Variants in MAOB observed in about 807,000 individuals in gnomAD.
MAOB encodes monoamine oxidase B.
Under a neutral mutation model 41.9 loss-of-function variants are expected in MAOB, and 15 were observed. That is an observed-to-expected ratio of 0.36 (90% confidence interval 0.24 to 0.55). MAOB has a LOEUF of 0.55. MAOB is among the 20% of genes least tolerant of loss of function. The pLI is 0.86. For synonymous variants in MAOB, 167 were observed against 144.2 expected (o/e 1.16, Z -1.13); for missense variants, 345 against 398.7 (o/e 0.87, Z 1.15).
At chrX:43,833,058 C>T (rs1364405968) in intron 3 of MAOB, among the ~76,000 whole-genome samples, 1 of 111,112 alleles carries the variant, frequency 9.0e-6, no homozygotes, top group Non-Finnish European at 1.9e-5. Flanking sequence ...TAGTCCCCAA[C>T]CAGCAGAGAG....
At chrX:43,841,579 A>G (rs2035137509) in intron 2 of MAOB, among the ~76,000 whole-genome samples, 1 of 112,010 alleles carries the variant, frequency 8.9e-6, no homozygotes, top group South Asian at 3.7e-4. Context: ...ATATGGAACT[A>G]CAGAAGACTA....
intron 3 of MAOB, among the ~76,000 whole-genome samples, chrX:43,807,375 G>T (rs1490849806): frequency 1.8e-5 from 2 of 112,346 alleles, no homozygotes; most frequent in Non-Finnish European, 3.8e-5. Flanking sequence ...TCTTCTTCCA[G>T]GAAGTATGCC....
chrX:43,848,735 G>C (rs1026602764), intron 1 of MAOB, among the ~76,000 whole-genome samples: 2 of 111,572 alleles, frequency 1.8e-5, no homozygotes, highest in African/African-American at 6.5e-5. Flanking sequence ...TGTACTTTTT[G>C]TAGAGATGGG....
chrX:43,779,161 C>A (rs1435630926), intron 10 of MAOB, among the ~76,000 whole-genome samples: 3 of 111,132 alleles, frequency 2.7e-5, no homozygotes, highest in African/African-American at 6.5e-5. Context: ...TTGCCACAAG[C>A]AGAGGAATGG....
chrX:43,814,467 A>G (rs2034784223), intron 3 of MAOB, among the ~76,000 whole-genome samples: 1 of 112,378 alleles, frequency 8.9e-6, no homozygotes, highest in Non-Finnish European at 1.9e-5. Flanking sequence ...GAAGCCTTCC[A>G]AGCTTCATCT....
At chrX:43,840,723 G>A (rs2035125343) in intron 2 of MAOB, among the ~76,000 whole-genome samples, 1 of 110,322 alleles carries the variant, frequency 9.1e-6, no homozygotes, top group Admixed American at 9.6e-5. Flanking sequence ...GGGAAGCTGT[G>A]AGGGACTGTG....
chrX:43,839,479 T>C (rs1367935477), intron 2 of MAOB, among the ~76,000 whole-genome samples: 3 of 112,336 alleles, frequency 2.7e-5, no homozygotes, highest in Admixed American at 9.4e-5. Context: ...TTATGTTTAA[T>C]AGTATATTTA....
chrX:43,780,203 T>C lies in MAOB; in HGVS notation c.1079+139A>G, dbSNP rs185084714. 1,149 of 485,669 alleles carry C rather than the reference T, an allele frequency of 2.4e-3. 11 individuals carry two copies. Among genetic ancestry groups the C allele is most frequent in the Non-Finnish European group, 4.3e-4 (122 of 281,645 alleles). 40.0% of individuals were successfully genotyped at this position (485,669 alleles called of 1,213,427 possible). On this transcript the variant is annotated intron_variant, in intron 10 of 14. Transcript: ENST00000378069. ...TGGCAATACACATATAATTAGGCAG[T>C]CCGTAAGTTAAAAAGTTAAGTAAAA...
chrX:43,880,359 A>G (rs760058081), intron 1 of MAOB, among the ~76,000 whole-genome samples: 4 of 112,180 alleles, frequency 3.6e-5, no homozygotes, highest in Non-Finnish European at 7.5e-5. Flanking sequence ...TGAATCCCCT[A>G]CACAGCCTCC....
intron 5 of MAOB, among the ~76,000 whole-genome samples, chrX:43,799,781 A>G (rs766421776): frequency 1.8e-5 from 2 of 111,927 alleles, no homozygotes; most frequent in East Asian, 5.6e-4. Flanking sequence ...TGGAAAATTT[A>G]TAAGATAAAA....
At position 43,848,715 on chromosome X, in the gene MAOB, G is replaced by A. The variant is rs750313788; in HGVS notation, c.47-4951C>T. On this transcript the variant is annotated intron_variant, in intron 1 of 14. Coordinates refer to ENST00000378069, the MANE Select transcript of MAOB (RefSeq NM_000898.5). ...ATTACACGCAAGCACCACTACGCCC[G>A]GCTAAGTTTTGTACTTTTTGTAGAG... Among the ~76,000 whole-genome samples, 9 of 111,627 alleles carry A rather than the reference G, an allele frequency of 8.1e-5. No homozygotes were observed. The South Asian group carries it at 2.6e-3, about 33-fold the overall frequency.
At chrX:43,850,071 G>A (rs2035239552) in intron 1 of MAOB, among the ~76,000 whole-genome samples, 1 of 111,658 alleles carries the variant, frequency 9.0e-6, no homozygotes, top group Non-Finnish European at 1.9e-5. Flanking sequence ...ATCTGGCACC[G>A]TTACTCCTAT....
intron 1 of MAOB, among the ~76,000 whole-genome samples, chrX:43,846,557 TC>T (rs2035205048): frequency 9.0e-6 from 1 of 111,070 alleles, no homozygotes; most frequent in Admixed American, 9.5e-5. Flanking sequence ...CAGAAATTGA[TC>T]TGAAAAAAAA....
chrX:43,774,674 G>A (rs1215774037), intron 12 of MAOB, among the ~76,000 whole-genome samples: 1 of 111,492 alleles, frequency 9.0e-6, no homozygotes, highest in African/African-American at 3.3e-5. Context: ...TTATAATTTT[G>A]TCCCCGTGTT....
chrX:43,803,173 A>G (rs771208364), intron 4 of MAOB, 127 bp downstream of exon 4: 31 of 540,744 alleles, frequency 5.7e-5, no homozygotes, highest in Non-Finnish European at 7.8e-5. Flanking sequence ...TCATTCATTC[A>G]TTTCACAAAT....
intron 12 of MAOB, among the ~76,000 whole-genome samples, chrX:43,773,605 G>C (rs1023181709): frequency 4.4e-5 from 5 of 112,598 alleles, no homozygotes; most frequent in African/African-American, 1.6e-4. Context: ...TCATATTGTA[G>C]CTCCCATAAT....
At chrX:43,810,340 A>C (rs1035452396) in intron 3 of MAOB, among the ~76,000 whole-genome samples, 9 of 110,022 alleles carry the variant, frequency 8.2e-5, no homozygotes, top group African/African-American at 2.6e-4. Flanking sequence ...CCAGATGTGA[A>C]CAAGATCCGC....
At chrX:43,851,161 C>T (rs1031002961) in intron 1 of MAOB, among the ~76,000 whole-genome samples, 2 of 111,184 alleles carry the variant, frequency 1.8e-5, no homozygotes, top group Middle Eastern at 4.2e-3. Context: ...TTGTCTTTCT[C>T]GGGTTTGTGT....
At chrX:43,797,013 C>T (rs1366404254) in intron 6 of MAOB, 112 bp downstream of exon 6, 1 of 833,263 alleles carries the variant, frequency 1.2e-6, no homozygotes, top group African/African-American at 2.1e-5. Flanking sequence ...TGGTAATGCT[C>T]TAAAAGCCAC....
Sources: gnomAD v4.1 joint callset for allele counts (sites outside exome capture counted in the v4.1 genomes callset) on GRCh38, gnomAD v4.1.1 for gene constraint, MANE v1.5 for transcripts, NCBI Gene and HGNC (gene_info 2026-07-23, HGNC 2026-07-21) for gene names.